ATRX: variants seen among roughly 807,000 people sequenced by gnomAD.
The protein encoded by ATRX is chromatin remodeler ATRX.
A neutral mutation model predicts 172.6 loss-of-function variants in ATRX; 12 were observed. The observed-to-expected ratio is 0.07, with a 90% CI of 0.04 to 0.11. The LOEUF (loss-of-function observed/expected upper bound fraction) is 0.11. Ranked by LOEUF, ATRX falls within the 10% of genes least tolerant of loss-of-function variation. The pLI is 1.00. For synonymous variants in ATRX, 674 were observed against 594.7 expected, an observed-to-expected ratio of 1.13 and a Z score of -1.94; for missense variants, 1,368 against 1,767.4, an observed-to-expected ratio of 0.77 and a Z score of 4.05.
chrX:77,561,332 C>A (rs2065012035), intron 28 of ATRX, among the ~76,000 whole-genome samples: 1 of 110,835 alleles, frequency 9.0e-6, no homozygotes, highest in Non-Finnish European at 1.9e-5. Context: ...TACATACACA[C>A]ACACACAACA....
intron 1 of ATRX, among the ~76,000 whole-genome samples, chrX:77,756,241 G>A (rs1412533769): frequency 9.0e-6 from 1 of 111,099 alleles, no homozygotes; most frequent in Admixed American, 9.6e-5. Context: ...CTGCTGTGTT[G>A]GCAATGAGAA....
intron 19 of ATRX, among the ~76,000 whole-genome samples, chrX:77,621,936 TTGAATC>T (rs1374001409): frequency 2.7e-5 from 3 of 111,973 alleles, no homozygotes; most frequent in Admixed American, 9.5e-5. Context: ...ATCCCTTACT[TTGAATC>T]TGAAAACATT....
At chrX:77,779,892 G>A (rs1289641814) in intron 1 of ATRX, among the ~76,000 whole-genome samples, 2 of 112,130 alleles carry the variant, frequency 1.8e-5, no homozygotes, top group Non-Finnish European at 3.8e-5. Context: ...CTAAAACTGA[G>A]AGACAAAGTT....
At chrX:77,733,689 T>G (rs1603288786) in intron 1 of ATRX, among the ~76,000 whole-genome samples, 2 of 67,606 alleles carry the variant, frequency 3.0e-5, no homozygotes, top group Non-Finnish European at 2.6e-5. Flanking sequence ...GCCAACAGGG[T>G]GAAACCCCAT....
intron 1 of ATRX, among the ~76,000 whole-genome samples, chrX:77,758,240 A>AT (rs782475534): frequency 3.8e-5 from 4 of 105,550 alleles, no homozygotes; most frequent in Non-Finnish European, 7.8e-5. Flanking sequence ...AATACTAAAA[A>AT]TTAGGCAGGT....
At chrX:77,649,510 G>T (rs2069100199) in intron 15 of ATRX, among the ~76,000 whole-genome samples, 1 of 112,040 alleles carries the variant, frequency 8.9e-6, no homozygotes, top group African/African-American at 3.2e-5. Context: ...TAGGACACAA[G>T]GTCATTATGC....
chrX:77,649,932 T>G (rs2069127518), intron 15 of ATRX, among the ~76,000 whole-genome samples: 1 of 112,032 alleles, frequency 8.9e-6, no homozygotes, highest in Non-Finnish European at 1.9e-5. Context: ...ATAAATTTTT[T>G]AAAATATGTA....
intron 30 of ATRX, among the ~76,000 whole-genome samples, chrX:77,547,206 A>G (rs1385185640): frequency 9.0e-6 from 1 of 111,665 alleles, no homozygotes; most frequent in Admixed American, 9.6e-5. Flanking sequence ...CCAACTCTCC[A>G]TAAGGAGACA....
chrX:77,729,310 T>C (rs1557174964), intron 1 of ATRX, among the ~76,000 whole-genome samples: 1 of 111,318 alleles, frequency 9.0e-6, no homozygotes, highest in Non-Finnish European at 1.9e-5. Flanking sequence ...TGAAGTATGA[T>C]GACAATTATG....
At chrX:77,696,542 C>T (rs45494097) in intron 5 of ATRX, 35 bp downstream of exon 5, 27,122 of 1,188,520 alleles carry the variant, frequency 0.023, 253 homozygotes, top group Non-Finnish European at 0.027. Flanking sequence ...AAATTCATTT[C>T]AACTTTAACT....
intron 30 of ATRX, among the ~76,000 whole-genome samples, chrX:77,543,161 C>T (rs2064081173): frequency 8.9e-6 from 1 of 112,268 alleles, no homozygotes; most frequent in African/African-American, 3.2e-5. Flanking sequence ...TATGAACAGA[C>T]ACTTCTCAGA....
chrX:77,772,848 A>ATT (rs782051290), intron 1 of ATRX, among the ~76,000 whole-genome samples: 2 of 98,516 alleles, frequency 2.0e-5, no homozygotes, highest in Admixed American at 1.1e-4. Context: ...TTCACCACCA[A>ATT]TTTTTTTTTT....
chrX:77,759,337 T>C (rs2075630864), intron 1 of ATRX, among the ~76,000 whole-genome samples: 1 of 110,191 alleles, frequency 9.1e-6, no homozygotes. Context: ...ATGAGAACAG[T>C]CTTTAGTAGC....
Position 77,683,101 on chromosome X carries a change from A to G in ATRX, c.2155T>C (p.Ser719Pro). 1 of 1,210,634 alleles carries G rather than the reference A, an allele frequency of 8.3e-7. No individual in the cohort carries two copies. The highest frequency in any genetic ancestry group is 1.7e-5 in the African/African-American group (1 of 57,696). Residue 719 changes from serine (S) to proline (P), a missense_variant, in exon 9 of 35, where the codon TCT becomes CCT. This residue lies in a region of ATRX where 843 missense variants were observed against 643.1 expected (regional missense o/e 1.31). Transcript: ENST00000373344. ...DNPKPNKLPK[S>P]KQSETVDQNS... Reference sequence around the variant, plus strand: ...TGATCCACAGTCTCTGATTGCTTAGATTTTGGCAATTTATTAGGCTTAGGA... The same window carrying G: ...TGATCCACAGTCTCTGATTGCTTAGGTTTTGGCAATTTATTAGGCTTAGGA...
At chrX:77,616,805 A>G in intron 21 of ATRX, 75 bp from the exon 22 acceptor site, 1 of 701,308 alleles carries the variant, frequency 1.4e-6, no homozygotes, top group Non-Finnish European at 2.3e-6. Flanking sequence ...CTCATTGCTT[A>G]TAACTGAAAT....
chrX:77,693,779 A>T, intron 6 of ATRX, 45 bp downstream of exon 6: 3 of 1,051,197 alleles, frequency 2.9e-6, no homozygotes, highest in Non-Finnish European at 4.0e-6. Context: ...CAATATGGTC[A>T]TAAACAGCAA....
rs1839528813 is a variant in ATRX, at chrX:77,508,332, T to C, written c.*19A>G. ...ATCTTTCTATGATTTTAACAATCCA[T>C]TAAGCTTTTAGTGCAAAATCACATT... On this transcript the variant is annotated 3_prime_UTR_variant, in exon 35 of 35. Transcript: ENST00000373344. 8.3e-7 allele frequency: 1 copy of C among 1,205,395 alleles called. No individual in the cohort carries two copies. The highest frequency in any genetic ancestry group is 1.7e-5 in the African/African-American group (1 of 57,206).
At chrX:77,528,048 G>T (rs1338798288) in intron 30 of ATRX, among the ~76,000 whole-genome samples, 2 of 103,646 alleles carry the variant, frequency 1.9e-5, no homozygotes, top group African/African-American at 7.1e-5. Flanking sequence ...TGGTGGGGGG[G>T]TGGGGGGCGG....
At chrX:77,614,116 G>A (rs1027054692) in intron 22 of ATRX, among the ~76,000 whole-genome samples, 3 of 111,727 alleles carry the variant, frequency 2.7e-5, no homozygotes, top group Non-Finnish European at 5.6e-5. Flanking sequence ...AACAAAATTT[G>A]GGTGAACTTC....
Sources: gnomAD v4.1 joint callset for allele counts (sites outside exome capture counted in the v4.1 genomes callset) on GRCh38, gnomAD v4.1.1 for gene constraint, gnomAD v4.1.1 regional missense constraint, MANE v1.5 for transcripts, NCBI Gene and HGNC (gene_info 2026-07-23, HGNC 2026-07-21) for gene names.